Variants in ERG observed in about 807,000 individuals in gnomAD.
ERG encodes ETS transcription factor ERG, also known as transcriptional regulator ERG.
In ERG, 9 loss-of-function variants were observed where a neutral mutation model predicts 55.3. The ratio of observed to expected loss-of-function variants is 0.16; its 90% CI spans 0.10 to 0.28. ERG has a LOEUF of 0.28. Ranked by LOEUF, ERG falls within the 10% of genes least tolerant of loss-of-function variation. The probability of loss-of-function intolerance (pLI) is 1.00; values close to 1 mark genes in which losing one functional copy is unlikely to be tolerated. For missense variants in ERG, 434 were observed against 631.6 expected (o/e 0.69, Z 3.35); for synonymous variants, 223 against 237.3 (o/e 0.94, Z 0.55).
chr21:38,521,769 T>A (rs982957059), intron 2 of ERG, among the ~76,000 whole-genome samples: 1 of 152,194 alleles, frequency 6.6e-6, no homozygotes, highest in Admixed American at 6.5e-5. Context: ...CTATACTACT[T>A]GCAACTCTAA....
At chr21:38,538,770 G>A (rs1255469876) in intron 2 of ERG, among the ~76,000 whole-genome samples, 7 of 152,016 alleles carry the variant, frequency 4.6e-5, no homozygotes, top group African/African-American at 1.7e-4. Flanking sequence ...GAATTGAAAA[G>A]AGCTCTTGGC....
At chr21:38,590,802 T>C (rs1271552719) in intron 1 of ERG, among the ~76,000 whole-genome samples, 1 of 152,204 alleles carries the variant, frequency 6.6e-6, no homozygotes, top group Non-Finnish European at 1.5e-5. Context: ...GTTCAGAGCC[T>C]AGTGAGAGAG....
intron 1 of ERG, among the ~76,000 whole-genome samples, chr21:38,459,417 T>C (rs2059020397): frequency 2.0e-5 from 3 of 152,262 alleles, no homozygotes; most frequent in African/African-American, 7.2e-5. Context: ...TCCCTGTCTA[T>C]ATCCTCCAGA....
At chr21:38,447,933 C>T (rs2058906945) in intron 1 of ERG, among the ~76,000 whole-genome samples, 1 of 152,082 alleles carries the variant, frequency 6.6e-6, no homozygotes, top group Non-Finnish European at 1.5e-5. Flanking sequence ...ATATAAGAAA[C>T]AGGCTAAATT....
intron 1 of ERG, among the ~76,000 whole-genome samples, chr21:38,486,375 G>A (rs1252107875): frequency 2.0e-5 from 3 of 152,204 alleles, no homozygotes; most frequent in African/African-American, 7.2e-5. Context: ...CTTATAGCCT[G>A]TAGCCTACGT....
chr21:38,545,435 C>T (rs761744795), intron 2 of ERG, among the ~76,000 whole-genome samples: 35 of 152,144 alleles, frequency 2.3e-4, no homozygotes, highest in African/African-American at 6.0e-4. Flanking sequence ...CCTGCATCTG[C>T]GCCCCTGAGA....
intron 1 of ERG, among the ~76,000 whole-genome samples, chr21:38,465,148 C>T (rs1377007922): frequency 1.3e-5 from 2 of 152,106 alleles, no homozygotes; most frequent in African/African-American, 2.4e-5. Flanking sequence ...TACAAGTGTA[C>T]CCTGCTGTCT....
chr21:38,417,050 T>A (rs1289985360), intron 3 of ERG, among the ~76,000 whole-genome samples: 1 of 152,226 alleles, frequency 6.6e-6, no homozygotes, highest in Non-Finnish European at 1.5e-5. Flanking sequence ...GAGCTCTCAA[T>A]CACACCTTCT....
chr21:38,489,001 G>C (rs1006765197), intron 1 of ERG, among the ~76,000 whole-genome samples: 3 of 152,200 alleles, frequency 2.0e-5, no homozygotes, highest in African/African-American at 7.2e-5. Flanking sequence ...CCTTGGAGAG[G>C]AGATAACGAA....
intron 6 of ERG, among the ~76,000 whole-genome samples, chr21:38,396,994 T>C (rs1424346815): frequency 6.6e-6 from 1 of 151,858 alleles, no homozygotes; most frequent in East Asian, 1.9e-4. Context: ...TTTATGAGAG[T>C]AGAGAAGACT....
At chr21:38,658,479 C>T (rs538199024) in intron 1 of ERG, among the ~76,000 whole-genome samples, 249 of 152,234 alleles carry the variant, frequency 1.6e-3, no homozygotes, top group African/African-American at 5.7e-3. Flanking sequence ...GAATAGGAAA[C>T]GATTCCAGAA....
chr21:38,429,699 GTA>G (rs1473025391), intron 2 of ERG, among the ~76,000 whole-genome samples: 57 of 123,148 alleles, frequency 4.6e-4, no homozygotes, highest in African/African-American at 1.5e-3. Context: ...GTGTATACAT[GTA>G]TATGTGTGTG....
At chr21:38,567,936 C>G (rs1377776397) in intron 2 of ERG, among the ~76,000 whole-genome samples, 1 of 152,184 alleles carries the variant, frequency 6.6e-6, no homozygotes, top group East Asian at 1.9e-4. Flanking sequence ...TTAGACTCTT[C>G]CGTCTATGAA....
At chr21:38,442,545 G>C (rs2058851452) in intron 2 of ERG, among the ~76,000 whole-genome samples, 2 of 152,318 alleles carry the variant, frequency 1.3e-5, no homozygotes, top group South Asian at 4.1e-4. Flanking sequence ...GAGGGCCCTG[G>C]GGCGGAACTG....
intron 5 of ERG, 66 bp from the exon 6 acceptor site, chr21:38,400,711 C>A: frequency 8.0e-7 from 1 of 1,246,438 alleles, no homozygotes; most frequent in Middle Eastern, 2.7e-4. Context: ...TCAACATCAG[C>A]GCCAAATCTA....
rs543331208 is a variant in ERG, at chr21:38,468,841, C to T, written c.19-23220G>A. ...TCCACTAAAAATACAAAAAATTAGC[C>T]GGGCGTGGTGGTGGGCGCCTGTAGT... On this transcript the variant is annotated intron_variant, in intron 1 of 9. Transcript: ENST00000288319. Among the ~76,000 whole-genome samples, 4 of 151,812 alleles carry T rather than the reference C, an allele frequency of 2.6e-5. No individual in the cohort carries two copies. The South Asian group carries it at 6.3e-4, about 24-fold the overall frequency.
At chr21:38,459,757 G>A (rs889000642) in intron 1 of ERG, among the ~76,000 whole-genome samples, 1 of 152,118 alleles carries the variant, frequency 6.6e-6, no homozygotes, top group African/African-American at 2.4e-5. Context: ...CAACAAATAT[G>A]TACTGAACAC....
intron 1 of ERG, among the ~76,000 whole-genome samples, chr21:38,483,061 C>T (rs550721831): frequency 1.2e-3 from 186 of 152,262 alleles, no homozygotes; most frequent in African/African-American, 4.1e-3. Flanking sequence ...ATAAGCCACA[C>T]ACAGAAAGAC....
At chr21:38,614,815 C>T (rs527922404) in intron 1 of ERG, among the ~76,000 whole-genome samples, 2 of 152,318 alleles carry the variant, frequency 1.3e-5, no homozygotes, top group Admixed American at 6.5e-5. Context: ...GGGAGTCCCT[C>T]CTTTGGGGAA....
Sources: gnomAD v4.1 joint callset for allele counts (sites outside exome capture counted in the v4.1 genomes callset) on GRCh38, gnomAD v4.1.1 for gene constraint, MANE v1.5 for transcripts, NCBI Gene and HGNC (gene_info 2026-07-23, HGNC 2026-07-21) for gene names.